The following ASB3 variants were observed in gnomAD, a reference collection of about 807,000 sequenced individuals.
ASB3 encodes the protein ankyrin repeat and SOCS box containing 3, also known as ankyrin repeat and SOCS box protein 3.
In ASB3, 41 loss-of-function variants were observed where a neutral mutation model predicts 54.5. The ratio of observed to expected loss-of-function variants is 0.75; its 90% confidence interval spans 0.59 to 0.98. ASB3 has a LOEUF of 0.98. Ranked by LOEUF, ASB3 falls within the 50% of genes least tolerant of loss-of-function variation. ASB3 has a pLI of 0.00. For synonymous variants in ASB3, 266 were observed against 221.2 expected (o/e 1.20, Z -1.80); for missense variants, 733 against 620.0 (o/e 1.18, Z -1.94).
intron 2 of ASB3, among the ~76,000 whole-genome samples, chr2:53,753,663 T>A (rs1672656165): frequency 6.6e-6 from 1 of 151,768 alleles, no homozygotes; most frequent in Non-Finnish European, 1.5e-5. Flanking sequence ...TTTTTTTTTT[T>A]TGAGACAGTG....
intron 5 of ASB3, among the ~76,000 whole-genome samples, chr2:53,717,878 T>C (rs1670484154): frequency 6.6e-6 from 1 of 152,054 alleles, no homozygotes; most frequent in African/African-American, 2.4e-5. Flanking sequence ...AAAAACTCAC[T>C]TAAGGAATTT....
intron 7 of ASB3, among the ~76,000 whole-genome samples, chr2:53,703,943 T>C (rs1048368017): frequency 2.0e-5 from 3 of 152,220 alleles, no homozygotes; most frequent in South Asian, 2.1e-4. Flanking sequence ...CCCTAAAAAT[T>C]AGAATATCAA....
At chr2:53,778,339 A>T (rs1674461911) in intron 1 of ASB3, among the ~76,000 whole-genome samples, 1 of 152,128 alleles carries the variant, frequency 6.6e-6, no homozygotes, top group Admixed American at 6.6e-5. Context: ...TATGAGGTAC[A>T]AAGTGATGAT....
chr2:53,725,819 G>T (rs977727855), intron 5 of ASB3, among the ~76,000 whole-genome samples: 6 of 152,146 alleles, frequency 3.9e-5, no homozygotes, highest in African/African-American at 1.4e-4. Context: ...AATTTCTCAT[G>T]ATAGAAACTA....
At chr2:53,750,417 T>C (rs1200397845) in intron 3 of ASB3, among the ~76,000 whole-genome samples, 1 of 152,126 alleles carries the variant, frequency 6.6e-6, no homozygotes, top group Non-Finnish European at 1.5e-5. Context: ...GCTTCTTAAT[T>C]TTTTAATGTT....
chr2:53,766,029 A>G (rs567767124), intron 1 of ASB3, among the ~76,000 whole-genome samples: 107 of 152,250 alleles, frequency 7.0e-4, no homozygotes, highest in Admixed American at 1.5e-3. Flanking sequence ...CTCAGCCTCA[A>G]TATACAGCCC....
At chr2:53,731,400 C>T (rs958921532) in intron 3 of ASB3, among the ~76,000 whole-genome samples, 1 of 149,636 alleles carries the variant, frequency 6.7e-6, no homozygotes, top group East Asian at 2.0e-4. Context: ...GAGCAAGACT[C>T]CATCTCAAAA....
intron 1 of ASB3, among the ~76,000 whole-genome samples, chr2:53,765,916 T>C (rs893200260): frequency 1.4e-4 from 14 of 103,312 alleles, no homozygotes; most frequent in African/African-American, 3.9e-4. Context: ...GGTGCTCCAT[T>C]GATAAGAGCA....
At chr2:53,782,699 G>T (rs574231180) in intron 1 of ASB3, among the ~76,000 whole-genome samples, 2 of 152,246 alleles carry the variant, frequency 1.3e-5, no homozygotes, top group East Asian at 3.9e-4. Context: ...AGGAGAGGAG[G>T]AAAGAGGCAA....
intron 2 of ASB3, among the ~76,000 whole-genome samples, chr2:53,762,356 G>C (rs1673192211): frequency 6.6e-6 from 1 of 152,168 alleles, no homozygotes; most frequent in African/African-American, 2.4e-5. Flanking sequence ...AAACCACTTA[G>C]AGGTTAAAAA....
In ASB3 at chr2:53,707,365, G is replaced by A. The variant is rs575803090; in HGVS notation, c.981-6837C>T. ...TGTTAGAAATGCAGAGTATGGGCCA[G>A]GTGTGGTGGCTCACGCCTGTAATCC... On this transcript the variant is annotated intron_variant, in intron 7 of 9. Coordinates refer to ENST00000263634, the MANE Select transcript of ASB3 (RefSeq NM_016115.5). 2.0e-5 allele frequency among the ~76,000 whole-genome samples: 3 copies of A among 152,326 alleles called. No homozygotes were observed. The South Asian group carries it at 6.2e-4, about 32-fold the overall frequency.
At chr2:53,682,729 G>A (rs1027773245) in intron 9 of ASB3, among the ~76,000 whole-genome samples, 9 of 151,902 alleles carry the variant, frequency 5.9e-5, no homozygotes, top group Non-Finnish European at 1.3e-4. Context: ...CACCCACCTC[G>A]GCCTCCCAAA....
At chr2:53,766,467 G>T (rs977723523) in intron 1 of ASB3, among the ~76,000 whole-genome samples, 1 of 152,184 alleles carries the variant, frequency 6.6e-6, no homozygotes, top group African/African-American at 2.4e-5. Flanking sequence ...GTTATTAGGA[G>T]AATGCCCTTA....
At chr2:53,758,351 T>C (rs1672953205) in intron 2 of ASB3, among the ~76,000 whole-genome samples, 1 of 152,212 alleles carries the variant, frequency 6.6e-6, no homozygotes, top group Non-Finnish European at 1.5e-5. Context: ...AAGTTTAAGA[T>C]TGATAATTAG....
At chr2:53,720,012 T>A (rs770482840) in intron 5 of ASB3, among the ~76,000 whole-genome samples, 1 of 152,104 alleles carries the variant, frequency 6.6e-6, no homozygotes, top group Non-Finnish European at 1.5e-5. Context: ...AAAAGTTACG[T>A]ACCTCCCTCA....
chr2:53,711,641 G>T (rs754978285), intron 7 of ASB3, among the ~76,000 whole-genome samples: 1 of 152,082 alleles, frequency 6.6e-6, no homozygotes, highest in Non-Finnish European at 1.5e-5. Flanking sequence ...GAGCATGGTG[G>T]CACATGCCTA....
intron 3 of ASB3, among the ~76,000 whole-genome samples, chr2:53,741,936 G>A (rs377000303): frequency 2.0e-5 from 3 of 152,116 alleles, no homozygotes; most frequent in Admixed American, 6.5e-5. Context: ...GGGTACTTGT[G>A]GGAGAAAGAG....
At chr2:53,671,353 CGTGTGTGTGTGTGTGT>C (rs142473697) in intron 9 of ASB3, among the ~76,000 whole-genome samples, 25 of 142,600 alleles carry the variant, frequency 1.8e-4, no homozygotes, top group African/African-American at 3.1e-4. Flanking sequence ...GAACCCAAAG[CGTGTGTGTGTGTGTGT>C]GTGTGTGTGT....
chr2:53,737,759 C>T, intron 3 of ASB3, among the ~76,000 whole-genome samples: 1 of 144,454 alleles, frequency 6.9e-6, no homozygotes, highest in South Asian at 2.3e-4. Context: ...GCCACAAATT[C>T]TGAAGGGAAT....
Sources: allele counts gnomAD v4.1 joint callset (sites outside exome capture counted in the v4.1 genomes callset), GRCh38; gene constraint gnomAD v4.1.1; transcripts MANE v1.5; gene names NCBI Gene and HGNC (gene_info 2026-07-23, HGNC 2026-07-21).